Variants in DMXL1 observed in about 807,000 individuals in gnomAD.
DMXL1 encodes the protein Dmx like 1, also known as dmX-like protein 1.
Under a neutral mutation model 319.2 loss-of-function variants are expected in DMXL1, and 99 were observed. The ratio of observed to expected loss-of-function variants is 0.31; its 90% CI spans 0.26 to 0.37. The LOEUF (loss-of-function observed/expected upper bound fraction) is 0.37. Among genes scored for constraint, DMXL1 ranks in the 10% least tolerant of loss-of-function variants. The pLI, the probability that DMXL1 is intolerant of heterozygous loss-of-function variation, is 1.00. For synonymous variants in DMXL1, 1,385 were observed against 1,235.2 expected (o/e 1.12, Z -2.54); for missense variants, 3,745 against 3,595.6 (o/e 1.04, Z -1.06).
At chr5:119,134,971 C>G (rs780152599) in intron 13 of DMXL1, among the ~76,000 whole-genome samples, 1 of 152,198 alleles carries the variant, frequency 6.6e-6, no homozygotes, top group Non-Finnish European at 1.5e-5. Flanking sequence ...TTCGGCTGTA[C>G]CAAGCTTTCT....
Position 119,146,984 on chromosome 5 carries a change from A to G in DMXL1, c.2689+28A>G. On this transcript the variant is annotated intron_variant, in intron 16 of 43. Transcript: ENST00000539542. ...GAGTCTTTTGTGTGTGTGTTTGTGC[A>G]ACTTTAATAGGTGTAAGTTAACAAA... is the stretch of plus-strand genomic sequence containing the variant. 7 of 1,607,598 alleles carry G rather than the reference A, an allele frequency of 4.4e-6. 1 individual carries two copies. The South Asian group carries it at 7.8e-5, about 18-fold the overall frequency.
chr5:119,096,912 A>T (rs1319071055), intron 1 of DMXL1, among the ~76,000 whole-genome samples: 1 of 152,234 alleles, frequency 6.6e-6, no homozygotes, highest in East Asian at 1.9e-4. Context: ...AACAAGATAA[A>T]CTTGAATCCT....
chr5:119,139,566 G>C (rs557976530), intron 13 of DMXL1, among the ~76,000 whole-genome samples: 60 of 152,288 alleles, frequency 3.9e-4, no homozygotes, highest in African/African-American at 1.4e-3. Flanking sequence ...AATTCAACAA[G>C]AAGACCTAAC....
intron 9 of DMXL1, among the ~76,000 whole-genome samples, chr5:119,122,423 G>A (rs1419620106): frequency 7.9e-5 from 12 of 151,388 alleles, no homozygotes; most frequent in Non-Finnish European, 1.6e-4. Flanking sequence ...GGATGGGGCA[G>A]CTGGCCGGGC....
chr5:119,155,826 CA>C (rs35851317), intron 19 of DMXL1, among the ~76,000 whole-genome samples: 99 of 84,820 alleles, frequency 1.2e-3, no homozygotes, highest in Middle Eastern at 7.9e-3. Context: ...GACCCTGTCT[CA>C]AAAAAAAAAA....
chr5:119,093,182 A>T (rs796931565), intron 1 of DMXL1, among the ~76,000 whole-genome samples: 6 of 152,106 alleles, frequency 3.9e-5, no homozygotes, highest in African/African-American at 1.4e-4. Flanking sequence ...AATATTTCAA[A>T]CTTTTTTTAT....
chr5:119,205,563 C>A (rs1371258645), intron 33 of DMXL1, among the ~76,000 whole-genome samples: 1 of 151,760 alleles, frequency 6.6e-6, no homozygotes, highest in East Asian at 1.9e-4. Context: ...TATAATAGCC[C>A]TTACTTTGCA....
At position 119,147,314 on chromosome 5, in the gene DMXL1, C is replaced by G. The variant is rs752518234; in HGVS notation, c.2755C>G (p.Pro919Ala). ...GCCAGAAGAACATTATTCTTCTTCT[C>G]CAGAGAAGATCCTATCTCCTTTTTC... Reference protein sequence around the residue: ...WQPEEHYSSSPEKILSPFSQK... With the variant: ...WQPEEHYSSSAEKILSPFSQK... Residue 919 changes from proline to alanine, a missense_variant, in exon 17 of 44, where the codon CCA (proline) becomes GCA (alanine). Around this residue, in one of 4 missense-constraint regions of DMXL1, gnomAD observed 2,096 missense variants for 1,985.4 expected, o/e 1.06. Coordinates refer to ENST00000539542, the MANE Select transcript of DMXL1 (RefSeq NM_001290321.3). 6.2e-7 allele frequency: 1 copy of G among 1,613,512 alleles called. No individual in the cohort carries two copies. The highest frequency in any genetic ancestry group is 8.5e-7 in the Non-Finnish European group (1 of 1,179,706).
intron 19 of DMXL1, among the ~76,000 whole-genome samples, chr5:119,155,866 G>A (rs892097389): frequency 6.6e-6 from 1 of 151,474 alleles, no homozygotes; most frequent in African/African-American, 2.4e-5. Context: ...CAGATGAGGA[G>A]TTGCTTCTTA....
intron 19 of DMXL1, among the ~76,000 whole-genome samples, chr5:119,157,167 T>C (rs1245752528): frequency 6.6e-6 from 1 of 152,170 alleles, no homozygotes; most frequent in Non-Finnish European, 1.5e-5. Flanking sequence ...TATTTTTTAA[T>C]TGAGTTGTTT....
intron 33 of DMXL1, 28 bp downstream of exon 33, chr5:119,203,464 A>G: frequency 7.4e-7 from 1 of 1,342,630 alleles, no homozygotes; most frequent in East Asian, 2.4e-5. Flanking sequence ...CCTGTTTACT[A>G]TTTTATTATT....
chr5:119,133,959 G>A lies in DMXL1; in HGVS notation c.2035G>A (p.Glu679Lys), dbSNP rs182698570. The change falls in exon 12 of 44, where the codon GAA (glutamate) becomes AAA (lysine). Residue 679 changes from glutamate (E) to lysine (K), a missense_variant. Around this residue, in one of 4 missense-constraint regions of DMXL1, gnomAD observed 2,096 missense variants for 1,985.4 expected, o/e 1.06. Transcript: ENST00000539542. The stretch of plus-strand genomic sequence containing the variant: ...GCAACCTTTTGATGCTCTAAATATT[G>A]AAGAATGCTCTTTGACACAACAAAA... Reference protein sequence around the residue: ...PEQPFDALNIEECSLTQQNKS... With the variant: ...PEQPFDALNIKECSLTQQNKS... 2.4e-5 allele frequency: 39 copies of A among 1,614,160 alleles called. No individual in the cohort carries two copies. The highest frequency in any genetic ancestry group is 3.3e-4 in the Middle Eastern group (2 of 6,062).
chr5:119,129,181 T>C (rs768677644), intron 9 of DMXL1, 30 bp from the exon 10 acceptor site: 1 of 1,438,568 alleles, frequency 7.0e-7, no homozygotes, highest in South Asian at 1.3e-5. Flanking sequence ...AAGGTAAAAA[T>C]TTTAATTTTA....
chr5:119,182,639 G>A, intron 28 of DMXL1, among the ~76,000 whole-genome samples: 1 of 151,934 alleles, frequency 6.6e-6, no homozygotes, highest in South Asian at 2.1e-4. Flanking sequence ...CATAACTGAA[G>A]GAAATTATAG....
chr5:119,150,412 A>G lies in DMXL1; in HGVS notation c.4585A>G (p.Arg1529Gly). Residue 1529 changes from arginine (R) to glycine (G), a missense_variant, in exon 18 of 44, where the codon AGA (arginine) becomes GGA (glycine). This residue lies in a region of DMXL1 where 2,096 missense variants were observed against 1,985.4 expected (regional missense o/e 1.06). Coordinates refer to ENST00000539542, the MANE Select transcript of DMXL1 (RefSeq NM_001290321.3). The stretch of plus-strand genomic sequence containing the variant: ...CACTGATATTGGAGAAAGCCGAGAC[A>G]GAAGCCAAGGTAAAACTAAACTCCG... ...TSTDIGESRDRSQGGETLDEC... is the reference protein window; with the variant it reads ...TSTDIGESRDGSQGGETLDEC... 3 of 1,609,284 alleles carry G rather than the reference A, an allele frequency of 1.9e-6. No individual in the cohort carries two copies. The highest frequency in any genetic ancestry group is 2.5e-6 in the Non-Finnish European group (3 of 1,178,136).
At chr5:119,234,207 T>C (rs879351988) in intron 39 of DMXL1, among the ~76,000 whole-genome samples, 6 of 152,164 alleles carry the variant, frequency 3.9e-5, no homozygotes, top group Admixed American at 6.6e-5. Flanking sequence ...AGCAATCTTT[T>C]ATTGAACAGT....
rs1561906920 is a variant in DMXL1 at position 119,220,948 on chromosome 5, A to C, written c.8144A>C (p.Asp2715Ala). 3 of 1,613,150 alleles carry C rather than the reference A, an allele frequency of 1.9e-6. No homozygotes were observed. The highest frequency in any genetic ancestry group is 2.5e-6 in the Non-Finnish European group (3 of 1,179,594). ...TTGACATTCCTTTATAGATCAGAAGATTTCTTGGTTATACATGCTCGTGAT... is the reference window on the plus strand; with the variant it reads ...TTGACATTCCTTTATAGATCAGAAGCTTTCTTGGTTATACATGCTCGTGAT... ...DIEVETKGSE[D>A]FLVIHARDDL... The change falls in exon 37 of 44, where the codon GAT becomes GCT. Residue 2715 changes from aspartate (D) to alanine (A), a missense_variant. Physicochemically the swap from Asp to Ala is moderately radical, Grantham distance 126. Coordinates refer to ENST00000539542, the MANE Select transcript of DMXL1 (RefSeq NM_001290321.3).
intron 1 of DMXL1, among the ~76,000 whole-genome samples, chr5:119,073,726 T>G (rs1040693832): frequency 6.6e-6 from 1 of 152,096 alleles, no homozygotes; most frequent in African/African-American, 2.4e-5. Context: ...CTCTCTTTAG[T>G]TTTGATGGAA....
At chr5:119,081,483 C>CT in intron 1 of DMXL1, 1 of 789,360 alleles carries the variant, frequency 1.3e-6, no homozygotes, top group Non-Finnish European at 1.5e-6. Flanking sequence ...GTAAAAACTG[C>CT]TTGAGAACAT....
Sources: allele counts gnomAD v4.1 joint callset (sites outside exome capture counted in the v4.1 genomes callset), GRCh38; gene constraint gnomAD v4.1.1; regional missense constraint gnomAD v4.1.1; transcripts MANE v1.5; gene names NCBI Gene and HGNC (gene_info 2026-07-23, HGNC 2026-07-21).